Variants in PCLO observed in about 807,000 individuals in gnomAD.
PCLO encodes protein piccolo.
A neutral mutation model predicts 427.5 loss-of-function variants in PCLO; 82 were observed. The observed-to-expected ratio is 0.19, with a 90% CI of 0.16 to 0.23. PCLO has a LOEUF of 0.23. Ranked by LOEUF, PCLO falls within the 10% of genes least tolerant of loss-of-function variation. The pLI, the probability that PCLO is intolerant of heterozygous loss-of-function variation, is 1.00. For missense variants in PCLO, 6,239 were observed against 6,115.9 expected (o/e 1.02, Z -0.67); for synonymous variants, 2,357 against 2,155.4 (o/e 1.09, Z -2.59).
intron 10 of PCLO, among the ~76,000 whole-genome samples, chr7:82,866,693 CA>C (rs1793102569): frequency 2.7e-5 from 4 of 149,358 alleles, no homozygotes; most frequent in African/African-American, 7.5e-5. Context: ...CACACACACA[CA>C]CACCCCTTTA....
chr7:83,100,567 T>C (rs1790712249), intron 3 of PCLO, among the ~76,000 whole-genome samples: 1 of 152,044 alleles, frequency 6.6e-6, no homozygotes, highest in Non-Finnish European at 1.5e-5. Context: ...GAAAACCAAA[T>C]ACCGCATGTT....
chr7:82,929,640 TAA>T (rs1794794679), intron 6 of PCLO, among the ~76,000 whole-genome samples: 1 of 152,164 alleles, frequency 6.6e-6, no homozygotes, highest in African/African-American at 2.4e-5. Flanking sequence ...AACATAAATA[TAA>T]AACTTATTTT....
intron 13 of PCLO, among the ~76,000 whole-genome samples, chr7:82,841,815 A>T (rs1792374360): frequency 6.6e-6 from 1 of 152,112 alleles, no homozygotes; most frequent in Admixed American, 6.6e-5. Context: ...TAATTAAAGT[A>T]TCTACAGGTT....
chr7:83,076,644 T>G (rs980436620), intron 3 of PCLO, among the ~76,000 whole-genome samples: 12 of 88,482 alleles, frequency 1.4e-4, no homozygotes, highest in Non-Finnish European at 2.2e-4. Flanking sequence ...TTTTTTGCAG[T>G]TTTTTTTTAT....
At chr7:83,038,666 C>G (rs1022851046) in intron 3 of PCLO, among the ~76,000 whole-genome samples, 8 of 151,956 alleles carry the variant, frequency 5.3e-5, no homozygotes, top group African/African-American at 1.7e-4. Flanking sequence ...TTTTAGCTAT[C>G]ATGAATAGTG....
intron 3 of PCLO, among the ~76,000 whole-genome samples, chr7:83,004,368 T>A (rs1251975672): frequency 6.6e-6 from 1 of 151,800 alleles, no homozygotes. Flanking sequence ...TACAGTCAAC[T>A]AATCTTCAAC....
intron 3 of PCLO, among the ~76,000 whole-genome samples, chr7:83,043,856 T>C (rs6948626): frequency 0.12 from 18,599 of 151,576 alleles, 1,296 homozygotes; most frequent in Admixed American, 0.16. Context: ...ATAACCTTGT[T>C]TTCTTCATAA....
Position 82,914,696 on chromosome 7 carries a change from T to C in PCLO, c.13290A>G (p.Ser4430=). 1 of 1,613,144 alleles carries C rather than the reference T, an allele frequency of 6.2e-7. No homozygotes were observed. Among genetic ancestry groups the C allele is most frequent in the Non-Finnish European group, 8.5e-7 (1 of 1,179,548 alleles). The change falls in exon 7 of 25, where the codon TCA becomes TCG. Residue 4430 remains serine, a synonymous_variant. Transcript: ENST00000333891. ...TGAGGCCCAATTTACCTTCACTGTC[T>C]GACATGGCATGTTGGAAGTCATCCA... is the stretch of plus-strand genomic sequence containing the variant. The part of the protein sequence containing the change: ...FIMDDFQHAM[S]DSEAYHLRRE...
intron 3 of PCLO, among the ~76,000 whole-genome samples, chr7:83,007,949 C>T (rs1787989198): frequency 6.6e-6 from 1 of 151,530 alleles, no homozygotes; most frequent in African/African-American, 2.4e-5. Context: ...TGGACATCTA[C>T]ATGTGTGAGG....
chr7:82,795,497 T>C (rs1431775905), intron 22 of PCLO, among the ~76,000 whole-genome samples: 1 of 152,170 alleles, frequency 6.6e-6, no homozygotes, highest in Non-Finnish European at 1.5e-5. Flanking sequence ...CTTATGAATT[T>C]AAAATGTTTT....
At chr7:82,829,978 TATA>T (rs1792051846) in intron 16 of PCLO, among the ~76,000 whole-genome samples, 1 of 151,948 alleles carries the variant, frequency 6.6e-6, no homozygotes, top group Non-Finnish European at 1.5e-5. Context: ...TATGGTATGG[TATA>T]ATGGTATAAA....
Position 82,955,283 on chromosome 7 carries a change from A to AATTATACTC in PCLO, c.5669_5670insGAGTATAAT (p.Ser1891_Leu1892insIleIleSer), listed in dbSNP as rs769579163. The AATTATACTC allele has an allele frequency of 1.9e-6, 3 of 1,613,294 alleles. No individual in the cohort carries two copies. The highest frequency in any genetic ancestry group is 2.5e-6 in the Non-Finnish European group (3 of 1,179,674). ...GCTCATCTGTTGGTGAGTATAATGA[A>AATTATACTC]ACAGCTGTGGGCAATTTATAAACTT... On this transcript the variant is annotated inframe_insertion, in exon 5 of 25. Coordinates refer to ENST00000333891, the MANE Select transcript of PCLO (RefSeq NM_033026.6).
At chr7:83,130,963 T>C (rs941454269) in intron 3 of PCLO, among the ~76,000 whole-genome samples, 1 of 152,210 alleles carries the variant, frequency 6.6e-6, no homozygotes, top group Non-Finnish European at 1.5e-5. Flanking sequence ...AGTAAAAAAG[T>C]TAGCTTAGAA....
At chr7:83,000,022 C>A (rs1305188218) in intron 3 of PCLO, among the ~76,000 whole-genome samples, 1 of 138,480 alleles carries the variant, frequency 7.2e-6, no homozygotes, top group Non-Finnish European at 1.5e-5. Flanking sequence ...CTGAGAACAC[C>A]AAGCAGAATA....
intron 6 of PCLO, among the ~76,000 whole-genome samples, chr7:82,928,203 G>A (rs1379060328): frequency 6.6e-6 from 1 of 152,106 alleles, no homozygotes; most frequent in East Asian, 1.9e-4. Context: ...ATAATATTGT[G>A]ATTAGCATAG....
intron 22 of PCLO, among the ~76,000 whole-genome samples, chr7:82,772,224 A>G (rs1304388599): frequency 3.3e-5 from 5 of 152,288 alleles, no homozygotes; most frequent in Middle Eastern, 3.4e-3. Flanking sequence ...GTAATTTATC[A>G]GCTCTAACTC....
chr7:83,108,092 G>A (rs892798858), intron 3 of PCLO, among the ~76,000 whole-genome samples: 5 of 151,302 alleles, frequency 3.3e-5, no homozygotes, highest in Admixed American at 2.0e-4. Flanking sequence ...TATGGCCATT[G>A]ATAGGTGGCC....
chr7:83,006,738 T>C (rs1787955385), intron 3 of PCLO, among the ~76,000 whole-genome samples: 1 of 151,430 alleles, frequency 6.6e-6, no homozygotes, highest in African/African-American at 2.4e-5. Flanking sequence ...TCCTACAAGT[T>C]ACAAAAAAGT....
At chr7:83,147,649 T>A (rs1330514026) in intron 2 of PCLO, among the ~76,000 whole-genome samples, 13 of 152,200 alleles carry the variant, frequency 8.5e-5, no homozygotes, top group Non-Finnish European at 4.4e-5. Flanking sequence ...AGGCTGAAGA[T>A]GTAAAAATGA....
Sources: gnomAD v4.1 joint callset for allele counts (sites outside exome capture counted in the v4.1 genomes callset) on GRCh38, gnomAD v4.1.1 for gene constraint, MANE v1.5 for transcripts, NCBI Gene and HGNC (gene_info 2026-07-23, HGNC 2026-07-21) for gene names.